PCDHGA2: variants seen among roughly 807,000 people sequenced by gnomAD.
The protein encoded by PCDHGA2 is protocadherin gamma subfamily A, 2, also known as protocadherin gamma-A2.
A neutral mutation model predicts 59.2 loss-of-function variants in PCDHGA2; 40 were observed. That is an observed-to-expected ratio of 0.68 (90% confidence interval 0.52 to 0.88). The LOEUF (loss-of-function observed/expected upper bound fraction) is 0.88, where lower values mean the gene tolerates loss of function less well. PCDHGA2 is among the 40% of genes least tolerant of loss of function. The pLI, the probability that PCDHGA2 is intolerant of heterozygous loss-of-function variation, is 0.00. For missense variants in PCDHGA2, 1,226 were observed against 1,204.0 expected, an observed-to-expected ratio of 1.02 and a Z score of -0.27; for synonymous variants, 560 against 526.0, an observed-to-expected ratio of 1.06 and a Z score of -0.89.
At chr5:141,463,728 G>C (rs957615020) in intron 1 of PCDHGA2, among the ~76,000 whole-genome samples, 3 of 152,066 alleles carry the variant, frequency 2.0e-5, no homozygotes, top group African/African-American at 7.2e-5. Context: ...TTACAGGCAT[G>C]AGCCACCGCG....
At chr5:141,404,196 C>T in intron 1 of PCDHGA2, 3 of 1,613,466 alleles carry the variant, frequency 1.9e-6, no homozygotes, top group Non-Finnish European at 1.7e-6. Context: ...CGAGAAAAAG[C>T]CTCAGAATAT....
In PCDHGA2 at chr5:141,477,362, G is replaced by T. The variant is rs920445601; in HGVS notation, c.2425-17445G>T. 6.2e-7 allele frequency: 1 copy of T among 1,614,142 alleles called. No individual in the cohort carries two copies. The highest frequency in any genetic ancestry group is 1.3e-5 in the African/African-American group (1 of 75,022). On this transcript the variant is annotated intron_variant, in intron 1 of 3. Coordinates refer to ENST00000394576, the MANE Select transcript of PCDHGA2 (RefSeq NM_018915.4). The surrounding 1 kb of genome is among the most constrained non-coding windows in gnomAD (Gnocchi z 4.9). ...CACTTTGAAAACCAGTGCAGACCTG[G>T]ATCGGGAGACTGTGCCAGAATACAA...
In PCDHGA2 at chr5:141,431,746, G is replaced by C. The variant is rs780453684; in HGVS notation, c.2425-63061G>C. 6.2e-7 allele frequency: 1 copy of C among 1,614,062 alleles called. No individual in the cohort carries two copies. Among genetic ancestry groups the C allele is most frequent in the African/African-American group, 1.3e-5 (1 of 74,932 alleles). On this transcript the variant is annotated intron_variant, in intron 1 of 3. Transcript: ENST00000394576. The surrounding 1 kb of genome is among the most constrained non-coding windows in gnomAD (Gnocchi z 4.8). ...CAATGGATAATGCAGGATATTCTGC[G>C]CGAGCCAAAGTCCTGATCACTGTTC... is the stretch of plus-strand genomic sequence containing the variant.
chr5:141,484,068 G>C (rs1287427208), intron 1 of PCDHGA2, among the ~76,000 whole-genome samples: 1 of 152,114 alleles, frequency 6.6e-6, no homozygotes, highest in African/African-American at 2.4e-5. Flanking sequence ...TAAGTGAAAA[G>C]CTTGCTCTTT....
At position 141,494,781 on chromosome 5, in the gene PCDHGA2, C is replaced by A. The variant is rs145360252; in HGVS notation, c.2425-26C>A. On this transcript the variant is annotated intron_variant, in intron 1 of 3. Coordinates refer to ENST00000394576, the MANE Select transcript of PCDHGA2 (RefSeq NM_018915.4). ...ATTCTAACTTCTCACGGGTACTCAG[C>A]CCCTTTCCCTCTGTTTTCTCCACAG... 6,156 of 1,614,074 alleles carry A rather than the reference C, an allele frequency of 3.8e-3. 13 individuals are homozygous for A. Among genetic ancestry groups the A allele is most frequent in the Middle Eastern group, 8.1e-3 (49 of 6,062 alleles).
At chr5:141,459,263 C>T (rs2098964603) in intron 1 of PCDHGA2, among the ~76,000 whole-genome samples, 1 of 152,176 alleles carries the variant, frequency 6.6e-6, no homozygotes, top group South Asian at 2.1e-4. Flanking sequence ...ATTAGTGTTG[C>T]CTCTTTCAGA....
chr5:141,350,969 C>T lies in PCDHGA2; in HGVS notation c.2424+9574C>T, dbSNP rs745995257. 4.3e-6 allele frequency: 7 copies of T among 1,614,098 alleles called. No individual in the cohort carries two copies. The Admixed American group carries it at 1.2e-4, about 27-fold the overall frequency. On this transcript the variant is annotated intron_variant, in intron 1 of 3. Coordinates refer to ENST00000394576, the MANE Select transcript of PCDHGA2 (RefSeq NM_018915.4). ...AGTTACGGATGCCAATGATAATGCT[C>T]CCGTGTTTAGCCAGGAGGTATACAG...
intron 1 of PCDHGA2, among the ~76,000 whole-genome samples, chr5:141,482,072 C>G (rs1010432509): frequency 1.5e-5 from 2 of 133,436 alleles, no homozygotes; most frequent in African/African-American, 5.9e-5. Flanking sequence ...GCAACAAGAA[C>G]AAAACTCACT....
intron 1 of PCDHGA2, among the ~76,000 whole-genome samples, chr5:141,451,410 G>T (rs1201545799): frequency 6.6e-6 from 1 of 152,190 alleles, no homozygotes; most frequent in East Asian, 1.9e-4. Context: ...TAAGTTCCTT[G>T]TGGATTGTTA....
intron 1 of PCDHGA2, chr5:141,404,741 GACT>G: frequency 6.2e-7 from 1 of 1,614,072 alleles, no homozygotes; most frequent in Non-Finnish European, 8.5e-7. Flanking sequence ...AGTGGACAGA[GACT>G]CAGGCCAGAA....
chr5:141,430,594 C>T, intron 1 of PCDHGA2: 3 of 563,604 alleles, frequency 5.3e-6, no homozygotes, highest in Non-Finnish European at 5.7e-6. Flanking sequence ...GCCTTGCACG[C>T]GCCTGAAGCA....
At chr5:141,427,889 G>C in intron 1 of PCDHGA2, 1 of 1,566,516 alleles carries the variant, frequency 6.4e-7, no homozygotes, top group South Asian at 1.1e-5. Flanking sequence ...CCCACGACCA[G>C]GGCTCGCCCG....
chr5:141,482,383 G>A (rs1594230401), intron 1 of PCDHGA2, among the ~76,000 whole-genome samples: 2 of 152,240 alleles, frequency 1.3e-5, no homozygotes, highest in East Asian at 3.9e-4. Context: ...TAAAGTCCCT[G>A]TATGGAGCAA....
intron 1 of PCDHGA2, among the ~76,000 whole-genome samples, chr5:141,359,276 A>G (rs1344985076): frequency 6.6e-6 from 1 of 152,168 alleles, no homozygotes; most frequent in Non-Finnish European, 1.5e-5. Flanking sequence ...GAAATGCTCA[A>G]TTGGTCTGAA....
At chr5:141,344,796 G>A (rs1212882263) in intron 1 of PCDHGA2, 4 of 1,613,950 alleles carry the variant, frequency 2.5e-6, no homozygotes, top group Non-Finnish European at 3.4e-6. Flanking sequence ...TTGGGAGAAC[G>A]TGCCTGTGGG....
chr5:141,382,795 T>C, intron 1 of PCDHGA2: 1 of 982,614 alleles, frequency 1.0e-6, no homozygotes, highest in South Asian at 1.7e-5. Flanking sequence ...TCTATCCTGC[T>C]GGATTCTGAG....
In PCDHGA2 at chr5:141,388,623, T is replaced by C. The variant is rs767536532; in HGVS notation, c.2424+47228T>C. On this transcript the variant is annotated intron_variant, in intron 1 of 3. Transcript: ENST00000394576. Reference sequence around the variant, plus strand: ...TGCTCCAGTGTTCAGTCAAGACGTATACAGGGTGAGCCTTTCAGAAAACGT... The same window carrying C: ...TGCTCCAGTGTTCAGTCAAGACGTACACAGGGTGAGCCTTTCAGAAAACGT... 3.6e-5 allele frequency: 58 copies of C among 1,613,846 alleles called. No individual in the cohort carries two copies. The highest frequency in any genetic ancestry group is 4.8e-5 in the Non-Finnish European group (57 of 1,179,886).
chr5:141,362,072 T>G (rs754972380), intron 1 of PCDHGA2: 1 of 1,612,748 alleles, frequency 6.2e-7, no homozygotes, highest in Non-Finnish European at 8.5e-7. Flanking sequence ...CTGGTCGCTG[T>G]GCGTGATGGA....
At chr5:141,372,985 G>A (rs1018239187) in intron 1 of PCDHGA2, 2 of 639,950 alleles carry the variant, frequency 3.1e-6, no homozygotes, top group Non-Finnish European at 5.2e-6. Context: ...TATCTGTGTT[G>A]CAGTTGTTCT....
Sources: allele counts gnomAD v4.1 joint callset (sites outside exome capture counted in the v4.1 genomes callset), GRCh38; gene constraint gnomAD v4.1.1; non-coding constraint Gnocchi (gnomAD v3.1); transcripts MANE v1.5; gene names NCBI Gene and HGNC (gene_info 2026-07-23, HGNC 2026-07-21).